Variants in CFAP65 observed in about 807,000 individuals in gnomAD.
CFAP65 encodes the protein cilia- and flagella-associated protein 65.
CFAP65 carries 155 observed loss-of-function variants against 208.0 expected under a neutral mutation model. The observed-to-expected ratio is 0.75, with a 90% CI of 0.65 to 0.85. CFAP65 has a LOEUF of 0.85. Ranked by LOEUF, CFAP65 falls within the 40% of genes least tolerant of loss-of-function variation. CFAP65 has a pLI of 0.00. For synonymous variants in CFAP65, 970 were observed against 986.3 expected, an observed-to-expected ratio of 0.98 and a Z score of 0.31; for missense variants, 2,294 against 2,451.3, an observed-to-expected ratio of 0.94 and a Z score of 1.36.
At position 219,004,664 on chromosome 2, in the gene CFAP65, C is replaced by A. The variant is rs1423656685; in HGVS notation, c.5052-209G>T. Among the ~76,000 whole-genome samples, 3 of 152,138 alleles carry A rather than the reference C, an allele frequency of 2.0e-5. No individual in the cohort carries two copies. The highest frequency in any genetic ancestry group is 7.2e-5 in the African/African-American group (3 of 41,434). ...AGAAGCGAACATGGTATGCTGGAGGCAGGGCAGGTCAGATTCACACACATG... is the reference window on the plus strand; with the variant it reads ...AGAAGCGAACATGGTATGCTGGAGGAAGGGCAGGTCAGATTCACACACATG... On this transcript the variant is annotated intron_variant, in intron 32 of 34. Coordinates refer to ENST00000341552, the MANE Select transcript of CFAP65 (RefSeq NM_194302.4). This position sits in a 1 kb window ranked among gnomAD's most constrained non-coding sequence, Gnocchi z 4.7.
rs768148306 is a variant in CFAP65, at chr2:219,013,303, G to C, written c.3913C>G (p.Gln1305Glu). 6.2e-7 allele frequency: 1 copy of C among 1,614,074 alleles called. No homozygotes were observed. The highest frequency in any genetic ancestry group is 8.5e-7 in the Non-Finnish European group (1 of 1,179,962). The change falls in exon 24 of 35, where the codon CAG becomes GAG. Residue 1305 changes from glutamine (Q) to glutamate (E), a missense_variant. Gln to Glu is a conservative substitution (Grantham distance 29). This residue lies in a region of CFAP65 where 1,427 missense variants were observed against 1,438.7 expected (regional missense o/e 0.99). Coordinates refer to ENST00000341552, the MANE Select transcript of CFAP65 (RefSeq NM_194302.4). ...TCACCAATGGGAATGGGGATGAACT[G>C]GTGGGTAGTAGAGGTGAAGTGCACA... ...KYVHFTSTTH[Q>E]FIPIPIGDTL...
intron 29 of CFAP65, 57 bp from the exon 30 acceptor site, chr2:219,006,566 C>A: frequency 6.4e-7 from 1 of 1,559,928 alleles, no homozygotes. Flanking sequence ...GGGGGTGGTG[C>A]TTCATGCCTG....
At chr2:219,039,126 A>T in intron 2 of CFAP65, 76 bp from the exon 3 acceptor site, 1 of 1,236,134 alleles carries the variant, frequency 8.1e-7, no homozygotes, top group Non-Finnish European at 1.1e-6. Flanking sequence ...AGCTGAAATC[A>T]TATGCAAATA....
In CFAP65 at chr2:219,018,783, G is replaced by C. The variant is rs1947073645; in HGVS notation, c.3602+268C>G. ...GATGCCCAGTGAATGTGTCTCATTT[G>C]TTAAGTTATTAAGGCCACTATGCCC... On this transcript the variant is annotated intron_variant, in intron 21 of 34. Coordinates refer to ENST00000341552, the MANE Select transcript of CFAP65 (RefSeq NM_194302.4). 1.1e-5 allele frequency: 5 copies of C among 471,414 alleles called. No homozygotes were observed. The East Asian group carries it at 1.9e-4, about 18-fold the overall frequency. 29.2% of individuals were successfully genotyped at this position (471,414 alleles called of 1,614,324 possible).
Position 219,030,022 on chromosome 2 carries a change from A to G in CFAP65, c.1348T>C (p.Ser450Pro). ...CCAACGACTTTAAGCAGGGTCTTGG[A>G]GGCACAGCCAGAAGGCATGATGGAG... is the stretch of plus-strand genomic sequence containing the variant. ...YCSIMPSGCA[S>P]KTLLKVVGFC... The change falls in exon 10 of 35, where the codon TCC becomes CCC. Residue 450 changes from serine to proline, a missense_variant. Around this residue, in one of 2 missense-constraint regions of CFAP65, gnomAD observed 867 missense variants for 1,012.6 expected, o/e 0.86. Coordinates refer to ENST00000341552, the MANE Select transcript of CFAP65 (RefSeq NM_194302.4). 6.2e-7 allele frequency: 1 copy of G among 1,614,012 alleles called. No individual in the cohort carries two copies. Among genetic ancestry groups the G allele is most frequent in the Non-Finnish European group, 8.5e-7 (1 of 1,179,996 alleles).
chr2:219,032,339 A>G lies in CFAP65; in HGVS notation c.645+131T>C. The G allele has an allele frequency of 2.7e-6, 2 of 729,964 alleles. No individual in the cohort carries two copies. The highest frequency in any genetic ancestry group is 4.4e-6 in the Non-Finnish European group (2 of 450,886). 45.2% of individuals were successfully genotyped at this position (729,964 alleles called of 1,614,324 possible). A position where few individuals can be genotyped will look rare whatever the true frequency, so the allele number is the denominator to read the frequency against. On this transcript the variant is annotated intron_variant, in intron 6 of 34. Coordinates refer to ENST00000341552, the MANE Select transcript of CFAP65 (RefSeq NM_194302.4). This position sits in a 1 kb window ranked among gnomAD's most constrained non-coding sequence, Gnocchi z 5.5. The stretch of plus-strand genomic sequence containing the variant: ...GCTAAGCCCTTGACGGGGCCTCCCA[A>G]GCTGGATTGCTGCTGGAGCGGGCAG...
At position 219,027,966 on chromosome 2, in the gene CFAP65, G is replaced by C. The variant is rs759891561; in HGVS notation, c.1895C>G (p.Pro632Arg). 3 of 1,520,462 alleles carry C rather than the reference G, an allele frequency of 2.0e-6. No homozygotes were observed. Among genetic ancestry groups the C allele is most frequent in the Non-Finnish European group, 2.6e-6 (3 of 1,135,096 alleles). The allele number at this position is 1,520,462 out of a possible 1,614,324, so 94.2% of individuals were successfully genotyped here. A position where few individuals can be genotyped will look rare whatever the true frequency, so the allele number is the denominator to read the frequency against. Residue 632 changes from proline to arginine, a missense_variant, in exon 13 of 35, where the codon CCC becomes CGC. This residue lies in a region of CFAP65 where 867 missense variants were observed against 1,012.6 expected (regional missense o/e 0.86). Transcript: ENST00000341552. Reference sequence around the variant, plus strand: ...GCCGTCGAAGAAGAACTCGGTCATGGGGGGGATATAAGGGTACTGCGGGGC... The same window carrying C: ...GCCGTCGAAGAAGAACTCGGTCATGCGGGGGATATAAGGGTACTGCGGGGC... ...MPAPQYPYIP[P>R]MTEFFFDGTS...
intron 21 of CFAP65, chr2:219,015,225 A>T (rs1946791101): frequency 6.5e-6 from 1 of 152,792 alleles, no homozygotes. Flanking sequence ...CCTGAGGAGA[A>T]TGCACACAAC....
chr2:219,009,830 A>C, intron 27 of CFAP65, 112 bp downstream of exon 27: 1 of 366,236 alleles, frequency 2.7e-6, no homozygotes. Flanking sequence ...ATGGGATGGG[A>C]TGGGGTTTGT....
Position 219,006,187 on chromosome 2 carries a change from G to A in CFAP65, c.4756C>T (p.Arg1586Trp), listed in dbSNP as rs368083297. 25 of 1,610,896 alleles carry A rather than the reference G, an allele frequency of 1.6e-5. No individual in the cohort carries two copies. Among genetic ancestry groups the A allele is most frequent in the African/African-American group, 6.7e-5 (5 of 74,866 alleles). Residue 1586 changes from arginine (R) to tryptophan (W), a missense_variant, in exon 31 of 35, where the codon CGG becomes TGG. Transcript: ENST00000341552. ...GTCTGCAGTTTCCAGCTGGCAGGCC[G>A]GCTGACAGACTGCTGGTTCTTGATG... is the stretch of plus-strand genomic sequence containing the variant. ...PPIKNQQSVS[R>W]PASWKLQTPK... is the part of the protein sequence containing the mutation.
rs144533389 is a variant in CFAP65 at position 219,010,971 on chromosome 2, G to A, written c.3983C>T (p.Ser1328Leu). The A allele has an allele frequency of 1.2e-4, 199 of 1,613,112 alleles. No individual in the cohort carries two copies. Among genetic ancestry groups the A allele is most frequent in the Non-Finnish European group, 1.6e-4 (188 of 1,179,540 alleles). The change falls in exon 25 of 35, where the codon TCA becomes TTA. Residue 1328 changes from serine (S) to leucine (L), a missense_variant. Coordinates refer to ENST00000341552, the MANE Select transcript of CFAP65 (RefSeq NM_194302.4). The part of the protein sequence containing the change: ...RQIYELYNGG[S>L]VPVTYEVQTD... ...CTGGACCTCATATGTCACGGGCACT[G>A]AGCCACCATTATACAGCTCATAAAT...
rs1945730892 is a variant in CFAP65 at position 219,003,573 on chromosome 2, G to A, written c.5556-301C>T. On this transcript the variant is annotated intron_variant, in intron 33 of 34. Transcript: ENST00000341552. This position sits in a 1 kb window ranked among gnomAD's most constrained non-coding sequence, Gnocchi z 4.4. ...GGGAAGTGATGAGAGGGCGCAGAAGGGACTGGGTGGGGCCTAGGGAATCCC... is the reference window on the plus strand; with the variant it reads ...GGGAAGTGATGAGAGGGCGCAGAAGAGACTGGGTGGGGCCTAGGGAATCCC... 6.6e-6 allele frequency among the ~76,000 whole-genome samples: 1 copy of A among 152,190 alleles called. No individual in the cohort carries two copies. Among genetic ancestry groups the A allele is most frequent in the African/African-American group, 2.4e-5 (1 of 41,426 alleles).
At position 219,010,621 on chromosome 2, in the gene CFAP65, C is replaced by T. The variant is rs922809841; in HGVS notation, c.4233G>A (p.Gly1411=). 10 of 1,611,898 alleles carry T rather than the reference C, an allele frequency of 6.2e-6. No homozygotes were observed. In the Admixed American group the frequency reaches 1.2e-4, roughly 19 times the overall value. Residue 1411 remains glycine (G), a synonymous_variant, in exon 26 of 35, where the codon GGG becomes GGA. Transcript: ENST00000341552. ...QGVGYNPHMM[G]DTAPFHNISS... ...AGATGTTGTGGAATGGGGCTGTGTC[C>T]CCCATCATATGGGGGTTGTAGCCCA... is the stretch of plus-strand genomic sequence containing the variant.
intron 19 of CFAP65, among the ~76,000 whole-genome samples, 196 bp downstream of exon 19, chr2:219,020,956 A>G (rs1004704813): frequency 4.6e-5 from 7 of 152,212 alleles, no homozygotes; most frequent in Non-Finnish European, 7.3e-5. Context: ...CACTGGGCAC[A>G]TGCACATATG....
In CFAP65 at chr2:219,039,023, A is replaced by T; in HGVS notation, c.26T>A (p.Leu9Gln). ...CTCCACCTTCTGGGTTTTCTCCACCAGTCTACAACCGGTTAAGGTAAACAT... is the reference window on the plus strand; with the variant it reads ...CTCCACCTTCTGGGTTTTCTCCACCTGTCTACAACCGGTTAAGGTAAACAT... MFTLTGCR[L>Q]VEKTQKVENP... Residue 9 changes from leucine to glutamine, a missense_variant, in exon 3 of 35, where the codon CTG (leucine) becomes CAG (glutamine). By Grantham distance (113) the Leu-to-Gln change is moderately radical. This residue lies in a region of CFAP65 where 867 missense variants were observed against 1,012.6 expected (regional missense o/e 0.86). Coordinates refer to ENST00000341552, the MANE Select transcript of CFAP65 (RefSeq NM_194302.4). The T allele has an allele frequency of 1.2e-6, 2 of 1,611,584 alleles. No homozygotes were observed. The highest frequency in any genetic ancestry group is 1.7e-6 in the Non-Finnish European group (2 of 1,178,732).
rs1276760556 is a variant in CFAP65 at position 219,032,094 on chromosome 2, A to G, written c.645+376T>C. 6.6e-6 allele frequency among the ~76,000 whole-genome samples: 1 copy of G among 151,678 alleles called. No individual in the cohort carries two copies. The highest frequency in any genetic ancestry group is 1.5e-5 in the Non-Finnish European group (1 of 67,912). On this transcript the variant is annotated intron_variant, in intron 6 of 34. Coordinates refer to ENST00000341552, the MANE Select transcript of CFAP65 (RefSeq NM_194302.4). This position sits in a 1 kb window ranked among gnomAD's most constrained non-coding sequence, Gnocchi z 5.5. ...GCCACCATGCCTGGTTAACTTTTGTATTTTTTAGTAGAGGTGGGGTTTCGC... is the reference window on the plus strand; with the variant it reads ...GCCACCATGCCTGGTTAACTTTTGTGTTTTTTAGTAGAGGTGGGGTTTCGC...
Position 219,023,281 on chromosome 2 carries a change from T to C in CFAP65, c.2746A>G (p.Arg916Gly), listed in dbSNP as rs1947392209. 1 of 1,613,272 alleles carries C rather than the reference T, an allele frequency of 6.2e-7. No homozygotes were observed. The highest frequency in any genetic ancestry group is 2.2e-5 in the East Asian group (1 of 44,862). ...AGCTTTCGATGCTGCTCAGAGACCC[T>C]CCACTCGAACTGCAGGGGCAGACGC... is the stretch of plus-strand genomic sequence containing the variant. Reference protein sequence around the residue: ...PSRLPLQFEWRVSEQHRKLLA... With the variant: ...PSRLPLQFEWGVSEQHRKLLA... Residue 916 changes from arginine to glycine, a missense_variant, in exon 16 of 35, where the codon AGG becomes GGG. Coordinates refer to ENST00000341552, the MANE Select transcript of CFAP65 (RefSeq NM_194302.4).
intron 11 of CFAP65, among the ~76,000 whole-genome samples, chr2:219,029,065 T>G (rs1947844059): frequency 6.6e-6 from 1 of 152,168 alleles, no homozygotes; most frequent in Non-Finnish European, 1.5e-5. Flanking sequence ...AGAATTAGTC[T>G]GTGAAGTCAT....
At chr2:219,029,258 G>A (rs552648665) in intron 11 of CFAP65, 145 bp downstream of exon 11, 65 of 1,086,008 alleles carry the variant, frequency 6.0e-5, no homozygotes, top group Middle Eastern at 6.1e-4. Context: ...CAAAAGCCAG[G>A]GCTGGGGCCC....
Sources: allele counts gnomAD v4.1 joint callset (sites outside exome capture counted in the v4.1 genomes callset), GRCh38; gene constraint gnomAD v4.1.1; regional missense constraint gnomAD v4.1.1; non-coding constraint Gnocchi (gnomAD v3.1); transcripts MANE v1.5; gene names NCBI Gene and HGNC (gene_info 2026-07-23, HGNC 2026-07-21).